BCL6: variants seen among roughly 807,000 people sequenced by gnomAD.
BCL6 encodes B-cell lymphoma 6 protein.
Under a neutral mutation model 59.5 loss-of-function variants are expected in BCL6, and 7 were observed. The observed-to-expected ratio is 0.12, with a 90% CI of 0.07 to 0.22. The LOEUF is 0.22. Ranked by LOEUF, BCL6 falls within the 10% of genes least tolerant of loss-of-function variation. BCL6 has a pLI of 1.00. For synonymous variants in BCL6, 339 were observed against 349.7 expected, an observed-to-expected ratio of 0.97 and a Z score of 0.34; for missense variants, 685 against 939.4, an observed-to-expected ratio of 0.73 and a Z score of 3.54.
Position 187,725,311 on chromosome 3 carries a change from T to C in BCL6, c.1839+188A>G, listed in dbSNP as rs1174955649. Among the ~76,000 whole-genome samples, 1 of 151,420 alleles carries C rather than the reference T, an allele frequency of 6.6e-6. No individual in the cohort carries two copies. Among genetic ancestry groups the C allele is most frequent in the East Asian group, 1.9e-4 (1 of 5,132 alleles). The stretch of plus-strand genomic sequence containing the variant: ...TGCTCACCTGCCCGCTCTGCTCACC[T>C]GCCCGCTCTGCTCACCTGCACACGG... On this transcript the variant is annotated intron_variant, in intron 8 of 9. Coordinates refer to ENST00000406870, the MANE Select transcript of BCL6 (RefSeq NM_001706.5). This position sits in a 1 kb window ranked among gnomAD's most constrained non-coding sequence, Gnocchi z 4.7.
At chr3:187,738,392 A>T (rs553051315) in intron 1 of BCL6, among the ~76,000 whole-genome samples, 1 of 152,248 alleles carries the variant, frequency 6.6e-6, no homozygotes, top group South Asian at 2.1e-4. Context: ...CCTTCCGCCT[A>T]CGTTGGCAAG....
intron 1 of BCL6, among the ~76,000 whole-genome samples, chr3:187,745,190 T>G (rs538361607): frequency 6.6e-6 from 1 of 152,272 alleles, no homozygotes; most frequent in Admixed American, 6.5e-5. Flanking sequence ...TCTTCGGCAT[T>G]TATTTTAACA....
chr3:187,737,380 AGAGAG>A (rs1560156213), intron 1 of BCL6: 1 of 148,090 alleles, frequency 6.8e-6, no homozygotes, highest in African/African-American at 2.6e-5. Context: ...AGAGAGAGAG[AGAGAG>A]AGAGAGAGAG....
intron 9 of BCL6, among the ~76,000 whole-genome samples, chr3:187,724,120 CATTG>C (rs1412239183): frequency 3.3e-5 from 5 of 152,170 alleles, no homozygotes; most frequent in Non-Finnish European, 7.3e-5. Context: ...GTTAACCATT[CATTG>C]ATTACTTCTT....
At chr3:187,744,518 T>C (rs1322106540) in intron 1 of BCL6, among the ~76,000 whole-genome samples, 2 of 151,532 alleles carry the variant, frequency 1.3e-5, no homozygotes, top group East Asian at 2.0e-4. Context: ...ATTAGGAAGA[T>C]CACGGCTCTG....
At position 187,725,456 on chromosome 3, in the gene BCL6, TCCGCTCGCCTGCCC is replaced by T. The variant is rs1334196450; in HGVS notation, c.1839+29_1839+42del. 1.0e-5 allele frequency: 16 copies of T among 1,601,420 alleles called. No homozygotes were observed. The highest frequency in any genetic ancestry group is 6.8e-5 in the African/African-American group (5 of 73,798). ...CCCACTCCTCCGCTCGCCTGCCCGC[TCCGCTCGCCTGCCC>T]GCTCCGCTCGCCTGCCCACTCTGCT... On this transcript the variant is annotated intron_variant, in intron 8 of 9. Coordinates refer to ENST00000406870, the MANE Select transcript of BCL6 (RefSeq NM_001706.5). The surrounding 1 kb of genome is among the most constrained non-coding windows in gnomAD (Gnocchi z 4.7).
At chr3:187,744,853 A>C (rs539632378) in intron 1 of BCL6, among the ~76,000 whole-genome samples, 2 of 152,236 alleles carry the variant, frequency 1.3e-5, no homozygotes, top group African/African-American at 4.8e-5. Context: ...GGGAAAAAAC[A>C]CAGCCGCACG....
At chr3:187,744,485 G>A (rs186373889) in intron 1 of BCL6, among the ~76,000 whole-genome samples, 2 of 152,220 alleles carry the variant, frequency 1.3e-5, no homozygotes, top group Admixed American at 6.5e-5. Flanking sequence ...CAGGGGCAGG[G>A]AACACCAAAA....
At chr3:187,743,873 C>T (rs2108482478) in intron 1 of BCL6, among the ~76,000 whole-genome samples, 1 of 152,290 alleles carries the variant, frequency 6.6e-6, no homozygotes, top group Non-Finnish European at 1.5e-5. Context: ...TCCAACCAAC[C>T]TCGCAATCTA....
Position 187,722,304 on chromosome 3 carries a change from G to GGCCCCCCCCCCCCCCCCCCCC in BCL6, c.*153_*154insGGGGGGGGGGGGGGGGGGGGC. On this transcript the variant is annotated 3_prime_UTR_variant, in exon 10 of 10. Transcript: ENST00000406870. ...GCTGCTGCGGCTCCCAGTCCCCCAG[G>GGCCCCCCCCCCCCCCCCCCCC]CCCCGACCCCCACCACCCCCAACCC... is the stretch of plus-strand genomic sequence containing the variant. 3 of 309,292 alleles carry GGCCCCCCCCCCCCCCCCCCCC rather than the reference G, an allele frequency of 9.7e-6. No homozygotes were observed. Among genetic ancestry groups the GGCCCCCCCCCCCCCCCCCCCC allele is most frequent in the Non-Finnish European group, 1.8e-5 (3 of 169,626 alleles). 19.2% of individuals were successfully genotyped at this position (309,292 alleles called of 1,614,324 possible).
Position 187,729,342 on chromosome 3 carries a change from T to G in BCL6, c.1063A>C (p.Ile355Leu), listed in dbSNP as rs756882169. The change falls in exon 5 of 10, where the codon ATC becomes CTC. Residue 355 changes from isoleucine to leucine, a missense_variant. Physicochemically the swap from Ile to Leu is conservative, Grantham distance 5. Around this residue, in one of 7 missense-constraint regions of BCL6, gnomAD observed 28 missense variants for 66.4 expected, o/e 0.42. Coordinates refer to ENST00000406870, the MANE Select transcript of BCL6 (RefSeq NM_001706.5). The surrounding 1 kb of genome is among the most constrained non-coding windows in gnomAD (Gnocchi z 5.6). ...TESCSSKNAC[I>L]LQASGSPPAK... is the part of the protein sequence containing the mutation. ...GGAGGGGAGCCAGAAGCCTGGAGGA[T>G]GCAGGCATTCTTACTGCTGCAGGAC... 1 of 1,613,944 alleles carries G rather than the reference T, an allele frequency of 6.2e-7. No individual in the cohort carries two copies. Among genetic ancestry groups the G allele is most frequent in the South Asian group, 1.1e-5 (1 of 91,086 alleles).
At chr3:187,731,594 G>A in intron 4 of BCL6, 115 bp downstream of exon 4, 1 of 988,740 alleles carries the variant, frequency 1.0e-6, no homozygotes, top group Non-Finnish European at 1.5e-6. Context: ...GAGTGGAAAT[G>A]TGGGTTGCAG....
chr3:187,737,245 C>T (rs927462089), intron 1 of BCL6: 1 of 150,842 alleles, frequency 6.6e-6, no homozygotes, highest in East Asian at 1.9e-4. Context: ...GCCAACTAGG[C>T]TCCTTGAGAA....
rs778027285 is a variant in BCL6, at chr3:187,733,578, C to T, written c.116G>A (p.Ser39Asn). The change falls in exon 3 of 10, where the codon AGC (serine) becomes AAC (asparagine). Residue 39 changes from serine (S) to asparagine (N), a missense_variant. By Grantham distance (46) the Ser-to-Asn change is conservative. Coordinates refer to ENST00000406870, the MANE Select transcript of BCL6 (RefSeq NM_001706.5). ...DILTDVVIVVSREQFRAHKTV... is the reference protein window; with the variant it reads ...DILTDVVIVVNREQFRAHKTV... ...TTTATGGGCTCTAAACTGCTCACGG[C>T]TCACAACAATGACAACATCAGTCAA... is the stretch of plus-strand genomic sequence containing the variant. 4 of 1,614,122 alleles carry T rather than the reference C, an allele frequency of 2.5e-6. No individual in the cohort carries two copies. The Admixed American group carries it at 5.0e-5, about 20-fold the overall frequency.
intron 1 of BCL6, among the ~76,000 whole-genome samples, chr3:187,738,842 G>A (rs1719411236): frequency 6.6e-6 from 1 of 152,164 alleles, no homozygotes; most frequent in African/African-American, 2.4e-5. Flanking sequence ...CCCTTCGCCC[G>A]GTGGGATAAA....
At chr3:187,738,523 A>C (rs1384022459) in intron 1 of BCL6, among the ~76,000 whole-genome samples, 1 of 152,204 alleles carries the variant, frequency 6.6e-6, no homozygotes, top group Non-Finnish European at 1.5e-5. Context: ...GACTCGGCAA[A>C]GGCCGGGGCC....
At chr3:187,724,739 C>A (rs1474326) in intron 9 of BCL6, 293,349 of 691,196 alleles carry the variant, frequency 0.42, 67,281 homozygotes, top group East Asian at 0.62. Flanking sequence ...AATGCTTGGG[C>A]CAAGGTCAAG....
intron 1 of BCL6, among the ~76,000 whole-genome samples, chr3:187,744,497 A>T (rs1711784699): frequency 6.6e-6 from 1 of 152,042 alleles, no homozygotes; most frequent in African/African-American, 2.4e-5. Flanking sequence ...ACACCAAAAC[A>T]CTCGGCTCTC....
intron 9 of BCL6, among the ~76,000 whole-genome samples, chr3:187,723,300 C>T (rs1009145174): frequency 1.3e-5 from 2 of 151,924 alleles, no homozygotes; most frequent in African/African-American, 2.4e-5. Context: ...GGGTAATAAG[C>T]GCTTTAGTTT....
Sources: gnomAD v4.1 joint callset for allele counts (sites outside exome capture counted in the v4.1 genomes callset) on GRCh38, gnomAD v4.1.1 for gene constraint, gnomAD v4.1.1 regional missense constraint, Gnocchi (gnomAD v3.1) non-coding constraint, MANE v1.5 for transcripts, NCBI Gene and HGNC (gene_info 2026-07-23, HGNC 2026-07-21) for gene names.